The following MAGI2 variants were observed in gnomAD, a reference collection of about 807,000 sequenced individuals.
The protein encoded by MAGI2 is membrane-associated guanylate kinase, WW and PDZ domain-containing protein 2.
Under a neutral mutation model 133.3 loss-of-function variants are expected in MAGI2, and 35 were observed. The ratio of observed to expected loss-of-function variants is 0.26; its 90% CI spans 0.20 to 0.35. The LOEUF (loss-of-function observed/expected upper bound fraction) is 0.35. Ranked by LOEUF, MAGI2 falls within the 10% of genes least tolerant of loss-of-function variation. The pLI is 1.00. For missense variants in MAGI2, 1,636 were observed against 1,863.4 expected (o/e 0.88, Z 2.25); for synonymous variants, 729 against 710.6 (o/e 1.03, Z -0.41).
chr7:79,225,132 T>C (rs1412012561), intron 1 of MAGI2, among the ~76,000 whole-genome samples: 1 of 152,202 alleles, frequency 6.6e-6, no homozygotes, highest in Non-Finnish European at 1.5e-5. Flanking sequence ...ATGCCTCAAT[T>C]CCATGCTAGG....
At chr7:79,226,258 T>C (rs1299225802) in intron 1 of MAGI2, among the ~76,000 whole-genome samples, 1 of 152,162 alleles carries the variant, frequency 6.6e-6, no homozygotes, top group Admixed American at 6.6e-5. Context: ...GCAATGATTA[T>C]TCCATCAAGA....
chr7:78,871,325 A>C (rs1046111255), intron 2 of MAGI2, among the ~76,000 whole-genome samples: 1 of 151,804 alleles, frequency 6.6e-6, no homozygotes, highest in African/African-American at 2.4e-5. Flanking sequence ...AATAATAATA[A>C]TAATAATTTA....
At chr7:78,753,307 TAAAAAATTTAGTATCTGAAA>T (rs1823627909) in intron 2 of MAGI2, among the ~76,000 whole-genome samples, 1 of 151,700 alleles carries the variant, frequency 6.6e-6, no homozygotes, top group Non-Finnish European at 1.5e-5. Flanking sequence ...ATTCTAAGAG[TAAAAAATTTAGTATCTGAAA>T]AAAAAATTTG....
chr7:78,132,272 T>A (rs189060112), intron 18 of MAGI2, among the ~76,000 whole-genome samples: 2 of 152,224 alleles, frequency 1.3e-5, no homozygotes, highest in Admixed American at 6.5e-5. Flanking sequence ...AATGGACGTC[T>A]GCAGCCACCT....
chr7:78,859,662 T>C (rs965140499), intron 2 of MAGI2, among the ~76,000 whole-genome samples: 2 of 143,998 alleles, frequency 1.4e-5, no homozygotes, highest in Middle Eastern at 3.4e-3. Context: ...TCTCTCTGGC[T>C]GCCCTTAACA....
chr7:78,562,810 A>G (rs1180867330), intron 3 of MAGI2, among the ~76,000 whole-genome samples: 2 of 152,154 alleles, frequency 1.3e-5, no homozygotes, highest in Non-Finnish European at 2.9e-5. Context: ...TACTGTTCCT[A>G]ACTGCATCTC....
At chr7:78,294,760 G>T (rs1797063579) in intron 9 of MAGI2, among the ~76,000 whole-genome samples, 1 of 152,110 alleles carries the variant, frequency 6.6e-6, no homozygotes, top group Non-Finnish European at 1.5e-5. Context: ...TAAGTACGAT[G>T]ATGGCCACAA....
chr7:79,359,016 G>A (rs906862995), intron 1 of MAGI2, among the ~76,000 whole-genome samples: 3 of 151,988 alleles, frequency 2.0e-5, no homozygotes, highest in Non-Finnish European at 4.4e-5. Context: ...ACAATCAACT[G>A]GTGTCAATAC....
intron 1 of MAGI2, among the ~76,000 whole-genome samples, chr7:79,096,005 G>A (rs1057284714): frequency 6.6e-5 from 10 of 152,072 alleles, no homozygotes; most frequent in African/African-American, 9.7e-5. Flanking sequence ...ATGTTGAAAA[G>A]GTCCAGAGCA....
At chr7:78,082,547 C>T (rs1224815749) in intron 20 of MAGI2, among the ~76,000 whole-genome samples, 2 of 152,214 alleles carry the variant, frequency 1.3e-5, no homozygotes, top group African/African-American at 4.8e-5. Flanking sequence ...TGCTGAATCT[C>T]TCCTATGCCC....
At chr7:79,213,013 A>G (rs1003292041) in intron 1 of MAGI2, among the ~76,000 whole-genome samples, 1 of 151,872 alleles carries the variant, frequency 6.6e-6, no homozygotes, top group Non-Finnish European at 1.5e-5. Context: ...TATTGTGAGG[A>G]TTCTGTTACC....
chr7:78,437,591 G>T (rs146224016), intron 6 of MAGI2, among the ~76,000 whole-genome samples: 1 of 152,240 alleles, frequency 6.6e-6, no homozygotes, highest in East Asian at 1.9e-4. Context: ...GGAGTCAAGG[G>T]TATATGAAGA....
At chr7:78,060,044 A>G (rs1563067177) in intron 21 of MAGI2, among the ~76,000 whole-genome samples, 2 of 152,166 alleles carry the variant, frequency 1.3e-5, no homozygotes, top group Non-Finnish European at 2.9e-5. Flanking sequence ...GGCATATTAG[A>G]CTACAGTTTG....
At chr7:78,472,629 C>A (rs988071786) in intron 6 of MAGI2, among the ~76,000 whole-genome samples, 1 of 152,112 alleles carries the variant, frequency 6.6e-6, no homozygotes, top group African/African-American at 2.4e-5. Flanking sequence ...CTGAATGATA[C>A]TAGCAAATGG....
chr7:78,677,572 G>A (rs2151087429), intron 2 of MAGI2, among the ~76,000 whole-genome samples: 1 of 151,902 alleles, frequency 6.6e-6, no homozygotes, highest in Non-Finnish European at 1.5e-5. Flanking sequence ...CAATTACCAT[G>A]TCTAAGGCAT....
At chr7:79,372,614 G>T (rs1396489191) in intron 1 of MAGI2, among the ~76,000 whole-genome samples, 1 of 152,140 alleles carries the variant, frequency 6.6e-6, no homozygotes, top group East Asian at 1.9e-4. Flanking sequence ...AATAATTATG[G>T]AAGGTGATTT....
chr7:79,364,087 A>T (rs1330252326), intron 1 of MAGI2, among the ~76,000 whole-genome samples: 17 of 151,978 alleles, frequency 1.1e-4, no homozygotes, highest in Admixed American at 1.1e-3. Flanking sequence ...AAGAAAAAAG[A>T]TAAGTGTTGG....
intron 2 of MAGI2, among the ~76,000 whole-genome samples, chr7:78,955,159 C>T (rs937570029): frequency 3.3e-5 from 5 of 151,988 alleles, no homozygotes; most frequent in African/African-American, 4.8e-5. Context: ...TTCATAATGA[C>T]GGTATTTAGT....
intron 6 of MAGI2, among the ~76,000 whole-genome samples, chr7:78,477,204 C>A (rs1791861218): frequency 6.6e-6 from 1 of 151,882 alleles, no homozygotes; most frequent in Non-Finnish European, 1.5e-5. Flanking sequence ...ACACTTAATG[C>A]CTGGCAGTGT....
Sources: allele counts gnomAD v4.1 joint callset (sites outside exome capture counted in the v4.1 genomes callset), GRCh38; gene constraint gnomAD v4.1.1; transcripts MANE v1.5; gene names NCBI Gene and HGNC (gene_info 2026-07-23, HGNC 2026-07-21).